Variants in SLC9A6 observed in about 807,000 individuals in gnomAD.
SLC9A6 encodes solute carrier family 9 member A6, also known as sodium/hydrogen exchanger 6.
SLC9A6 carries 6 observed loss-of-function variants against 45.3 expected under a neutral mutation model. The ratio of observed to expected loss-of-function variants is 0.13; its 90% CI spans 0.07 to 0.26. The LOEUF (loss-of-function observed/expected upper bound fraction) is 0.26. Ranked by LOEUF, SLC9A6 falls within the 10% of genes least tolerant of loss-of-function variation. The probability of loss-of-function intolerance (pLI) is 1.00; values close to 1 mark genes in which losing one functional copy is unlikely to be tolerated. For synonymous variants in SLC9A6, 191 were observed against 187.7 expected (o/e 1.02, Z -0.14); for missense variants, 278 against 503.7 (o/e 0.55, Z 4.29).
intron 11 of SLC9A6, among the ~76,000 whole-genome samples, chrX:136,021,708 A>C (rs2071129771): frequency 9.0e-6 from 1 of 111,488 alleles, no homozygotes; most frequent in Admixed American, 9.5e-5. Context: ...TGTATTTTTA[A>C]TAGAGACAGG....
intron 2 of SLC9A6, among the ~76,000 whole-genome samples, chrX:135,990,287 T>TG (rs2089410361): frequency 8.9e-6 from 1 of 112,070 alleles, no homozygotes; most frequent in African/African-American, 3.2e-5. Flanking sequence ...CACCCAGCCA[T>TG]GGTTGTGTTC....
chrX:136,009,566 C>T (rs781935720), intron 7 of SLC9A6, among the ~76,000 whole-genome samples: 1 of 112,125 alleles, frequency 8.9e-6, no homozygotes, highest in South Asian at 3.7e-4. Flanking sequence ...TGAGTCTGGA[C>T]TTTTTATAAT....
upstream of SLC9A6, among the ~76,000 whole-genome samples, chrX:135,982,547 C>G (rs1367922304): frequency 9.2e-6 from 1 of 108,132 alleles, no homozygotes; most frequent in Non-Finnish European, 1.9e-5. Context: ...AATATCAGCT[C>G]ACTGCAACCT....
At chrX:136,020,969 C>G (rs2071117071) in intron 11 of SLC9A6, among the ~76,000 whole-genome samples, 1 of 109,220 alleles carries the variant, frequency 9.2e-6, no homozygotes, top group Non-Finnish European at 1.9e-5. Flanking sequence ...TCCAAGAAGT[C>G]CTGGTTCCTT....
chrX:136,000,904 G>T (rs1358140664), intron 6 of SLC9A6, among the ~76,000 whole-genome samples: 1 of 111,394 alleles, frequency 9.0e-6, no homozygotes. Flanking sequence ...AGGATCACTT[G>T]AACCTAGGGG....
chrX:135,976,615 A>G (rs2089264553), intron 1 of SLC9A6, among the ~76,000 whole-genome samples: 1 of 111,143 alleles, frequency 9.0e-6, no homozygotes, highest in Non-Finnish European at 1.9e-5. Context: ...AAAAAAAAAA[A>G]GAAAAAAGAA....
chrX:135,981,355 G>A (rs1311569957), upstream of SLC9A6, among the ~76,000 whole-genome samples: 1 of 111,125 alleles, frequency 9.0e-6, no homozygotes, highest in East Asian at 2.8e-4. Context: ...CACAAGAACA[G>A]CATGGGGGAA....
intron 11 of SLC9A6, among the ~76,000 whole-genome samples, chrX:136,019,861 C>T (rs2071089709): frequency 8.9e-6 from 1 of 112,107 alleles, no homozygotes; most frequent in South Asian, 3.7e-4. Flanking sequence ...ATTTAGTTGT[C>T]ATGTCCCCTT....
intron 15 of SLC9A6, chrX:136,033,054 G>A (rs1477543585): frequency 6.8e-6 from 1 of 147,455 alleles, no homozygotes; most frequent in East Asian, 1.9e-4. Context: ...AGTAGAAACG[G>A]GGTTTCACCA....
At chrX:136,003,257 G>C (rs1301733677) in intron 7 of SLC9A6, among the ~76,000 whole-genome samples, 9 of 112,132 alleles carry the variant, frequency 8.0e-5, no homozygotes, top group African/African-American at 2.9e-4. Context: ...CCAAAGTGCT[G>C]AGATTACAGG....
chrX:136,019,098 C>T (rs1396423557), intron 11 of SLC9A6, among the ~76,000 whole-genome samples: 1 of 111,540 alleles, frequency 9.0e-6, no homozygotes, highest in Non-Finnish European at 1.9e-5. Flanking sequence ...AAAATCCTAC[C>T]ATGAAAATGG....
upstream of SLC9A6, chrX:135,974,635 A>G (rs2089251327): frequency 2.9e-6 from 1 of 341,046 alleles, no homozygotes. Context: ...TGTTTTCTGT[A>G]GGCCTTTCCT....
At chrX:136,019,284 A>T (rs189253672) in intron 11 of SLC9A6, among the ~76,000 whole-genome samples, 1 of 112,506 alleles carries the variant, frequency 8.9e-6, no homozygotes, top group Non-Finnish European at 1.9e-5. Flanking sequence ...GGACTGAAGC[A>T]ATATTGTTGC....
At chrX:135,984,140 G>T (rs1001011558), upstream of SLC9A6, among the ~76,000 whole-genome samples, 6 of 111,299 alleles carry the variant, frequency 5.4e-5, no homozygotes, top group Non-Finnish European at 1.1e-4. Context: ...CACAGGGGCA[G>T]CTTGGAGTTG....
chrX:136,044,763 C>G lies in SLC9A6; in HGVS notation c.*39C>G, dbSNP rs1569526145. On this transcript the variant is annotated 3_prime_UTR_variant, in exon 18 of 18. Coordinates refer to ENST00000630721, the MANE Select transcript of SLC9A6 (RefSeq NM_001379110.1). Reference sequence around the variant, plus strand: ...CACTTAGTGATTTGTAAAATTTGCACATGTGATTGTGAAGAAATTTGTACT... The same window carrying G: ...CACTTAGTGATTTGTAAAATTTGCAGATGTGATTGTGAAGAAATTTGTACT... 8.5e-7 allele frequency: 1 copy of G among 1,178,317 alleles called. No homozygotes were observed. Among genetic ancestry groups the G allele is most frequent in the Non-Finnish European group, 1.2e-6 (1 of 865,123 alleles).
At chrX:136,009,943 A>G in intron 7 of SLC9A6, among the ~76,000 whole-genome samples, 1 of 112,142 alleles carries the variant, frequency 8.9e-6, no homozygotes, top group Non-Finnish European at 1.9e-5. Context: ...CCATTCTAGA[A>G]TTCTAAAAGT....
In SLC9A6 at chrX:136,046,486, G is replaced by A. The variant is rs920753846; in HGVS notation, c.*1762G>A. The A allele has an allele frequency of 7.1e-5, 8 of 112,833 alleles. No homozygotes were observed. Among genetic ancestry groups the A allele is most frequent in the African/African-American group, 2.6e-4 (8 of 30,962 alleles). The allele number at this position is 112,833 out of a possible 1,213,427, so 9.3% of individuals were successfully genotyped here. A position where few individuals can be genotyped will look rare whatever the true frequency, so the allele number is the denominator to read the frequency against. On this transcript the variant is annotated 3_prime_UTR_variant, in exon 18 of 18. Coordinates refer to ENST00000630721, the MANE Select transcript of SLC9A6 (RefSeq NM_001379110.1). The stretch of plus-strand genomic sequence containing the variant: ...TAATGTATGTTTGAGGAGTTTGAAC[G>A]TCAGTGTCACTTACCCACAAAGTTA...
chrX:135,990,550 T>G (rs782508035), intron 2 of SLC9A6, among the ~76,000 whole-genome samples: 49 of 111,857 alleles, frequency 4.4e-4, no homozygotes, highest in African/African-American at 1.5e-3. Context: ...GATCTTGATT[T>G]TGTTTTCAAC....
At chrX:135,986,718 T>C (rs1274841179) in intron 2 of SLC9A6, among the ~76,000 whole-genome samples, 1 of 110,827 alleles carries the variant, frequency 9.0e-6, no homozygotes, top group Non-Finnish European at 1.9e-5. Flanking sequence ...TTATTATTAT[T>C]ATTATTTTGG....
Sources: gnomAD v4.1 joint callset for allele counts (sites outside exome capture counted in the v4.1 genomes callset) on GRCh38, gnomAD v4.1.1 for gene constraint, MANE v1.5 for transcripts, NCBI Gene and HGNC (gene_info 2026-07-23, HGNC 2026-07-21) for gene names.